The following AUTS2 variants were observed in gnomAD, a reference collection of about 807,000 sequenced individuals.
The protein encoded by AUTS2 is autism susceptibility gene 2 protein.
AUTS2 carries 17 observed loss-of-function variants against 112.4 expected under a neutral mutation model. The observed-to-expected ratio is 0.15, with a 90% CI of 0.10 to 0.23. The LOEUF is 0.23. AUTS2 is among the 10% of genes least tolerant of loss of function. The pLI, the probability that AUTS2 is intolerant of heterozygous loss-of-function variation, is 1.00. For missense variants in AUTS2, 1,510 were observed against 1,701.6 expected (o/e 0.89, Z 1.98); for synonymous variants, 751 against 702.7 (o/e 1.07, Z -1.09).
intron 4 of AUTS2, among the ~76,000 whole-genome samples, chr7:70,275,324 G>T (rs1206303208): frequency 6.6e-6 from 1 of 152,060 alleles, no homozygotes; most frequent in Admixed American, 6.6e-5. Context: ...AAATATTGTG[G>T]GATTTCACTG....
intron 4 of AUTS2, among the ~76,000 whole-genome samples, chr7:70,248,675 T>TA (rs1407191063): frequency 2.0e-5 from 3 of 152,222 alleles, no homozygotes; most frequent in African/African-American, 7.2e-5. Flanking sequence ...TGTTTCTTCT[T>TA]ACTTCATTTT....
At chr7:70,639,514 G>T (rs1403515761) in intron 5 of AUTS2, among the ~76,000 whole-genome samples, 1 of 150,500 alleles carries the variant, frequency 6.6e-6, no homozygotes, top group Non-Finnish European at 1.5e-5. Flanking sequence ...TACTGGGGGG[G>T]TGGTGAGGCA....
intron 1 of AUTS2, among the ~76,000 whole-genome samples, chr7:69,689,054 C>T (rs1189558050): frequency 1.3e-5 from 2 of 152,062 alleles, no homozygotes; most frequent in Non-Finnish European, 2.9e-5. Context: ...GAGATTAAGG[C>T]GAGTGTCTTG....
At chr7:69,940,877 A>G (rs1206900376) in intron 2 of AUTS2, among the ~76,000 whole-genome samples, 1 of 152,198 alleles carries the variant, frequency 6.6e-6, no homozygotes, top group African/African-American at 2.4e-5. Context: ...GGGAGGAACC[A>G]GTAACAATGC....
intron 4 of AUTS2, among the ~76,000 whole-genome samples, chr7:70,354,610 T>C (rs1791908700): frequency 6.6e-6 from 1 of 152,070 alleles, no homozygotes; most frequent in African/African-American, 2.4e-5. Context: ...TGGGCCAGGA[T>C]CCCCAGCCAG....
intron 5 of AUTS2, among the ~76,000 whole-genome samples, chr7:70,493,952 A>G (rs1798348808): frequency 6.6e-6 from 1 of 152,220 alleles, no homozygotes; most frequent in Non-Finnish European, 1.5e-5. Flanking sequence ...ATGTAAAATG[A>G]TAAGGCAGGA....
chr7:70,062,762 G>A (rs1802312593), intron 2 of AUTS2, among the ~76,000 whole-genome samples: 1 of 152,170 alleles, frequency 6.6e-6, no homozygotes, highest in South Asian at 2.1e-4. Context: ...TACTCTGTTA[G>A]CAAAGAGTTA....
intron 4 of AUTS2, among the ~76,000 whole-genome samples, chr7:70,390,310 T>C (rs978814777): frequency 6.6e-6 from 1 of 152,216 alleles, no homozygotes; most frequent in Non-Finnish European, 1.5e-5. Context: ...AGATGTGGGT[T>C]GAGGCCCGGG....
chr7:70,249,439 G>A (rs1319470032), intron 4 of AUTS2, among the ~76,000 whole-genome samples: 1 of 152,128 alleles, frequency 6.6e-6, no homozygotes, highest in Non-Finnish European at 1.5e-5. Context: ...GTGCGCATTA[G>A]AATAAATGGG....
At chr7:70,761,322 C>CA (rs990014524) in intron 6 of AUTS2, among the ~76,000 whole-genome samples, 15 of 152,082 alleles carry the variant, frequency 9.9e-5, no homozygotes, top group African/African-American at 3.4e-4. Context: ...ACCTCTAAAA[C>CA]AAAAAACAGA....
At chr7:70,030,219 A>G (rs1332532691) in intron 2 of AUTS2, among the ~76,000 whole-genome samples, 1 of 152,204 alleles carries the variant, frequency 6.6e-6, no homozygotes, top group Admixed American at 6.6e-5. Context: ...TGATGAGGGC[A>G]TTTCCTTGTG....
chr7:69,600,232 G>A (rs946008597), intron 1 of AUTS2, among the ~76,000 whole-genome samples: 1 of 152,056 alleles, frequency 6.6e-6, no homozygotes, highest in Non-Finnish European at 1.5e-5. Context: ...CAGCAGATGG[G>A]CAGAAAGAAA....
At chr7:69,749,712 A>G (rs1187135174) in intron 1 of AUTS2, among the ~76,000 whole-genome samples, 2 of 152,214 alleles carry the variant, frequency 1.3e-5, no homozygotes, top group Non-Finnish European at 2.9e-5. Flanking sequence ...TGTTTTATAC[A>G]AAAACAGTTC....
intron 1 of AUTS2, among the ~76,000 whole-genome samples, chr7:69,895,524 G>C (rs868044493): frequency 6.7e-6 from 1 of 150,002 alleles, no homozygotes; most frequent in African/African-American, 2.5e-5. Context: ...GACACACTTT[G>C]ATCCTCTCTC....
At chr7:70,756,005 C>T (rs1364633914) in intron 6 of AUTS2, among the ~76,000 whole-genome samples, 4 of 151,974 alleles carry the variant, frequency 2.6e-5, no homozygotes, top group Non-Finnish European at 2.9e-5. Context: ...CACTTTTCCT[C>T]CTCCTCCTCC....
chr7:70,388,937 T>A (rs1299822981), intron 4 of AUTS2, among the ~76,000 whole-genome samples: 1 of 152,190 alleles, frequency 6.6e-6, no homozygotes, highest in African/African-American at 2.4e-5. Flanking sequence ...ATAAATAGTT[T>A]AACTATCAGA....
intron 2 of AUTS2, among the ~76,000 whole-genome samples, chr7:69,935,987 G>A (rs1796394674): frequency 6.6e-6 from 1 of 152,146 alleles, no homozygotes; most frequent in Admixed American, 6.5e-5. Context: ...TTTACCAAGA[G>A]CATATCTGAA....
intron 6 of AUTS2, among the ~76,000 whole-genome samples, chr7:70,716,095 C>T (rs1810349044): frequency 6.6e-6 from 1 of 152,240 alleles, no homozygotes. Flanking sequence ...ATGATCCCAA[C>T]TGGGTACTTT....
chr7:70,415,852 G>T (rs1029048716), intron 4 of AUTS2, among the ~76,000 whole-genome samples: 2 of 152,220 alleles, frequency 1.3e-5, no homozygotes, highest in East Asian at 3.9e-4. Flanking sequence ...ACACACAGAC[G>T]TTAACCAGTC....
Sources: gnomAD v4.1 joint callset for allele counts (sites outside exome capture counted in the v4.1 genomes callset) on GRCh38, gnomAD v4.1.1 for gene constraint, MANE v1.5 for transcripts, NCBI Gene and HGNC (gene_info 2026-07-23, HGNC 2026-07-21) for gene names.